The following SGSM3 variants were observed in gnomAD, a reference collection of about 807,000 sequenced individuals.
SGSM3 encodes the protein RUN and SH3 containing 3.
SGSM3 carries 96 observed loss-of-function variants against 100.5 expected under a neutral mutation model. That is an observed-to-expected ratio of 0.96 (90% CI 0.81 to 1.13). SGSM3 has a LOEUF of 1.13. Among genes scored for constraint, SGSM3 ranks in the 50% most tolerant of loss-of-function variants. The pLI, the probability that SGSM3 is intolerant of heterozygous loss-of-function variation, is 0.00. For missense variants in SGSM3, 1,001 were observed against 1,015.8 expected (o/e 0.99, Z 0.20); for synonymous variants, 483 against 422.8 (o/e 1.14, Z -1.75).
intron 1 of SGSM3, among the ~76,000 whole-genome samples, chr22:40,392,449 A>C (rs930769867): frequency 2.0e-5 from 3 of 152,148 alleles, no homozygotes; most frequent in Non-Finnish European, 4.4e-5. Flanking sequence ...GCTATTTCTA[A>C]TTGTTTATAC....
chr22:40,383,820 T>C (rs2047979908), intron 1 of SGSM3, among the ~76,000 whole-genome samples: 1 of 152,184 alleles, frequency 6.6e-6, no homozygotes, highest in South Asian at 2.1e-4. Flanking sequence ...CAGAAATCTT[T>C]AGGAGATTTT....
chr22:40,374,752 C>T (rs775541187), intron 1 of SGSM3, among the ~76,000 whole-genome samples: 6 of 152,212 alleles, frequency 3.9e-5, no homozygotes, highest in Non-Finnish European at 7.4e-5. Flanking sequence ...TGGTGATGTG[C>T]GCCTGTGGTC....
chr22:40,395,706 C>T (rs1009026468), intron 1 of SGSM3, among the ~76,000 whole-genome samples: 3 of 152,132 alleles, frequency 2.0e-5, no homozygotes, highest in Non-Finnish European at 4.4e-5. Flanking sequence ...GAAATGGCAT[C>T]ATCATAAGCC....
At chr22:40,403,500 C>G (rs2051023729) in intron 4 of SGSM3, among the ~76,000 whole-genome samples, 1 of 152,142 alleles carries the variant, frequency 6.6e-6, no homozygotes, top group South Asian at 2.1e-4. Context: ...ATGTAATATT[C>G]TGGAGCAAGA....
chr22:40,385,097 C>G (rs2048213151), intron 1 of SGSM3, among the ~76,000 whole-genome samples: 1 of 152,108 alleles, frequency 6.6e-6, no homozygotes, highest in African/African-American at 2.4e-5. Context: ...TTGAACAGTT[C>G]AAGAAACCAA....
intron 1 of SGSM3, among the ~76,000 whole-genome samples, chr22:40,392,750 A>G (rs2049526274): frequency 1.3e-5 from 2 of 152,330 alleles, no homozygotes; most frequent in African/African-American, 4.8e-5. Context: ...TACATTCACT[A>G]TGTTGTGCAA....
rs541127531 is a variant in SGSM3 at position 40,409,604 on chromosome 22, G to A, written c.2173-78G>A. On this transcript the variant is annotated intron_variant, in intron 21 of 21. Transcript: ENST00000248929. ...CGCGGGGTGGCTAAGGTGGGAACCCGAAGTGCTGGTGTCAGCGGTTAGGAA... is the reference window on the plus strand; with the variant it reads ...CGCGGGGTGGCTAAGGTGGGAACCCAAAGTGCTGGTGTCAGCGGTTAGGAA... 2.9e-4 allele frequency: 463 copies of A among 1,613,452 alleles called. No individual in the cohort carries two copies. The African/African-American group carries it at 4.8e-3, about 17-fold the overall frequency.
At chr22:40,398,110 G>A (rs1213199682) in intron 1 of SGSM3, among the ~76,000 whole-genome samples, 1 of 151,776 alleles carries the variant, frequency 6.6e-6, no homozygotes, top group Non-Finnish European at 1.5e-5. Context: ...TGGGACTACA[G>A]GCACACGCCA....
At chr22:40,383,325 G>A (rs181051717) in intron 1 of SGSM3, among the ~76,000 whole-genome samples, 211 of 152,148 alleles carry the variant, frequency 1.4e-3, no homozygotes, top group Non-Finnish European at 1.4e-3. Flanking sequence ...AAATTAGCCC[G>A]GCGTGGTGGC....
chr22:40,389,057 T>C (rs1171082319), intron 1 of SGSM3, among the ~76,000 whole-genome samples: 1 of 151,982 alleles, frequency 6.6e-6, no homozygotes, highest in Non-Finnish European at 1.5e-5. Flanking sequence ...AGATGTTAAT[T>C]GAAGTTGTGA....
intron 3 of SGSM3, among the ~76,000 whole-genome samples, chr22:40,401,910 A>ATCTT (rs2050807677): frequency 6.6e-6 from 1 of 152,228 alleles, no homozygotes; most frequent in Non-Finnish European, 1.5e-5. Context: ...TGATTTTATT[A>ATCTT]TCTTTGACCT....
At chr22:40,399,265 C>T (rs1052156074) in intron 1 of SGSM3, among the ~76,000 whole-genome samples, 14 of 151,686 alleles carry the variant, frequency 9.2e-5, no homozygotes, top group African/African-American at 3.4e-4. Context: ...GGATTACAGG[C>T]GTGAGCCACC....
At chr22:40,398,970 T>G (rs1240647279) in intron 1 of SGSM3, among the ~76,000 whole-genome samples, 1 of 139,336 alleles carries the variant, frequency 7.2e-6, no homozygotes, top group African/African-American at 2.6e-5. Context: ...AGAGCTAGGA[T>G]TGGACTGGAG....
At chr22:40,382,399 A>G (rs1236222138) in intron 1 of SGSM3, among the ~76,000 whole-genome samples, 1 of 152,044 alleles carries the variant, frequency 6.6e-6, no homozygotes, top group East Asian at 1.9e-4. Context: ...GACTGGAGTC[A>G]TGTCTAAAGT....
chr22:40,405,868 C>G, intron 8 of SGSM3, 24 bp downstream of exon 8: 1 of 1,595,396 alleles, frequency 6.3e-7, no homozygotes, highest in Non-Finnish European at 8.6e-7. Context: ...GAGCCACTGG[C>G]TCCCATTCTG....
chr22:40,381,140 T>C lies in SGSM3; in HGVS notation c.-112+10452T>C, dbSNP rs905791292. The stretch of plus-strand genomic sequence containing the variant: ...CCATCAGAAAAGAGGTACACGCTTT[T>C]CTTTTTTTTTCTTTTTCTTTTTTTT... On this transcript the variant is annotated intron_variant, in intron 1 of 21. Coordinates refer to ENST00000248929, the MANE Select transcript of SGSM3 (RefSeq NM_015705.6). 2.0e-5 allele frequency among the ~76,000 whole-genome samples: 3 copies of C among 152,002 alleles called. No homozygotes were observed. The East Asian group carries it at 5.8e-4, about 29-fold the overall frequency.
intron 1 of SGSM3, among the ~76,000 whole-genome samples, chr22:40,382,848 T>G (rs781688021): frequency 3.9e-5 from 6 of 152,224 alleles, no homozygotes; most frequent in Non-Finnish European, 7.3e-5. Context: ...TATCCTAATT[T>G]TACTGATAGG....
Position 40,405,652 on chromosome 22 carries a change from G to A in SGSM3, c.622G>A (p.Ala208Thr). 2 of 1,611,982 alleles carry A rather than the reference G, an allele frequency of 1.2e-6. No homozygotes were observed. The highest frequency in any genetic ancestry group is 1.7e-6 in the Non-Finnish European group (2 of 1,178,942). Residue 208 changes from alanine to threonine, a missense_variant, in exon 8 of 22, where the codon GCC (alanine) becomes ACC (threonine). Physicochemically the swap from Ala to Thr is moderately conservative, Grantham distance 58 (BLOSUM62 0). Coordinates refer to ENST00000248929, the MANE Select transcript of SGSM3 (RefSeq NM_015705.6). ...CTTGTCCCTGTGCCCTGGCCAGGTG[G>A]CCGCCTGCCTCCTGCTGTTCCTGGA... ...IGYCQGTGMV[A>T]ACLLLFLEEE...
chr22:40,409,669 G>C lies in SGSM3; in HGVS notation c.2173-13G>C. On this transcript the variant is annotated splice_polypyrimidine_tract_variant and intron_variant, in intron 21 of 21. Transcript: ENST00000248929. Reference sequence around the variant, plus strand: ...CCCAAGGCCTGTGAGGTGAGGGGCTGCCCTGTTTGCAGGCGCAGCAGCCCC... The same window carrying C: ...CCCAAGGCCTGTGAGGTGAGGGGCTCCCCTGTTTGCAGGCGCAGCAGCCCC... 3.1e-6 allele frequency: 5 copies of C among 1,613,272 alleles called. No homozygotes were observed. In the South Asian group the frequency reaches 5.5e-5, roughly 18 times the overall value.
Sources: gnomAD v4.1 joint callset for allele counts (sites outside exome capture counted in the v4.1 genomes callset) on GRCh38, gnomAD v4.1.1 for gene constraint, MANE v1.5 for transcripts, NCBI Gene and HGNC (gene_info 2026-07-23, HGNC 2026-07-21) for gene names.